ABCB1: variants seen among roughly 807,000 people sequenced by gnomAD.
The protein encoded by ABCB1 is ATP-dependent translocase ABCB1.
ABCB1 carries 69 observed loss-of-function variants against 142.0 expected under a neutral mutation model. The observed-to-expected ratio is 0.49, with a 90% confidence interval of 0.40 to 0.59. The LOEUF is 0.59. Among genes scored for constraint, ABCB1 ranks in the 20% least tolerant of loss-of-function variants. The pLI, the probability that ABCB1 is intolerant of heterozygous loss-of-function variation, is 0.00. For missense variants in ABCB1, 1,326 were observed against 1,554.7 expected (o/e 0.85, Z 2.47); for synonymous variants, 532 against 539.2 (o/e 0.99, Z 0.18).
intron 19 of ABCB1, among the ~76,000 whole-genome samples, chr7:87,538,271 TATAA>T (rs1183692503): frequency 3.9e-5 from 6 of 152,156 alleles, no homozygotes; most frequent in African/African-American, 1.4e-4. Flanking sequence ...GAATCTGACT[TATAA>T]ATACAGTTCG....
intron 3 of ABCB1, among the ~76,000 whole-genome samples, chr7:87,590,503 T>C (rs974124029): frequency 1.1e-4 from 17 of 152,146 alleles, no homozygotes; most frequent in African/African-American, 4.1e-4. Flanking sequence ...TCAGAGAATG[T>C]CTTTCTCAGG....
chr7:87,644,530 G>A (rs1352633444), intron 1 of ABCB1, among the ~76,000 whole-genome samples: 2 of 152,088 alleles, frequency 1.3e-5, no homozygotes, highest in Non-Finnish European at 2.9e-5. Context: ...TTTAACCTTT[G>A]TGAGCCCTTT....
At chr7:87,534,927 A>AC (rs949226528) in intron 20 of ABCB1, among the ~76,000 whole-genome samples, 3 of 139,434 alleles carry the variant, frequency 2.2e-5, no homozygotes, top group African/African-American at 8.1e-5. Flanking sequence ...TAAAAAAAAA[A>AC]AAAAAAAAAA....
intron 1 of ABCB1, among the ~76,000 whole-genome samples, chr7:87,675,080 GTGGTGA>G (rs1826190805): frequency 6.6e-6 from 1 of 152,246 alleles, no homozygotes; most frequent in African/African-American, 2.4e-5. Context: ...CTGGCAGTCT[GTGGTGA>G]GAGCGGGCCG....
chr7:87,519,113 GTGA>G (rs869153626), intron 23 of ABCB1: 8 of 597,498 alleles, frequency 1.3e-5, no homozygotes, highest in African/African-American at 1.3e-4. Context: ...TCAACTATGT[GTGA>G]GCCAGCAATG....
intron 1 of ABCB1, among the ~76,000 whole-genome samples, chr7:87,688,716 G>A (rs1284027723): frequency 1.3e-5 from 2 of 151,728 alleles, no homozygotes; most frequent in Admixed American, 6.6e-5. Context: ...GTTCTGTAAT[G>A]TTTTATATTG....
intron 15 of ABCB1, 63 bp from the exon 16 acceptor site, chr7:87,545,062 C>G: frequency 6.8e-7 from 1 of 1,461,290 alleles, no homozygotes; most frequent in Non-Finnish European, 9.5e-7. Context: ...GAAAGCTAAT[C>G]ACTGAATGTC....
At chr7:87,689,206 A>G (rs79849241) in intron 1 of ABCB1, among the ~76,000 whole-genome samples, 2,334 of 152,202 alleles carry the variant, frequency 0.015, 35 homozygotes, top group Non-Finnish European at 0.02. Context: ...TTATAATAAG[A>G]GAGTTAAAGA....
At chr7:87,590,189 G>A (rs1428488104) in intron 3 of ABCB1, among the ~76,000 whole-genome samples, 2 of 152,162 alleles carry the variant, frequency 1.3e-5, no homozygotes, top group East Asian at 3.8e-4. Context: ...TAACAACAGT[G>A]AGTAAGAAAA....
intron 21 of ABCB1, among the ~76,000 whole-genome samples, chr7:87,523,836 A>G (rs1815653273): frequency 1.3e-5 from 2 of 152,156 alleles, no homozygotes; most frequent in Admixed American, 1.3e-4. Context: ...CATTTGCAAA[A>G]TGAGGACGAT....
chr7:87,568,765 C>T (rs1817904798), intron 5 of ABCB1, among the ~76,000 whole-genome samples: 1 of 151,496 alleles, frequency 6.6e-6, no homozygotes, highest in Admixed American at 6.6e-5. Context: ...TAACTAATTA[C>T]TATCTAAGTG....
intron 1 of ABCB1, among the ~76,000 whole-genome samples, chr7:87,700,785 A>T (rs1015415): frequency 0.098 from 14,851 of 152,236 alleles, 876 homozygotes; most frequent in African/African-American, 0.17. Flanking sequence ...AATGGGTACA[A>T]AATGTCAAAA....
chr7:87,525,665 G>C lies in ABCB1; in HGVS notation c.2686-4789C>G, dbSNP rs562902160. Among the ~76,000 whole-genome samples the C allele has an allele frequency of 3.9e-5, 6 of 152,150 alleles. 1 individual carries two copies. Among genetic ancestry groups the C allele is most frequent in the African/African-American group, 1.4e-4 (6 of 41,516 alleles). On this transcript the variant is annotated intron_variant, in intron 21 of 27. Coordinates refer to ENST00000622132, the MANE Select transcript of ABCB1 (RefSeq NM_001348946.2). ...TTAAGCGGAAGTGGATCATTTAAAG[G>C]TCTTTATCTTCATCATCTTTATATT...
At chr7:87,581,371 C>T (rs1227264181) in intron 4 of ABCB1, among the ~76,000 whole-genome samples, 1 of 152,076 alleles carries the variant, frequency 6.6e-6, no homozygotes, top group Non-Finnish European at 1.5e-5. Context: ...CCACAATCGC[C>T]TTTATCTAGG....
At chr7:87,692,704 AATGTGGTTTAAAT>A (rs1828126362) in intron 1 of ABCB1, among the ~76,000 whole-genome samples, 1 of 152,176 alleles carries the variant, frequency 6.6e-6, no homozygotes, top group African/African-American at 2.4e-5. Context: ...AGAGATAGTA[AATGTGGTTTAAAT>A]ATTAGGAATT....
chr7:87,530,285 C>T (rs935803113), intron 21 of ABCB1, among the ~76,000 whole-genome samples: 1 of 152,208 alleles, frequency 6.6e-6, no homozygotes, highest in Non-Finnish European at 1.5e-5. Flanking sequence ...CTCATTTCCA[C>T]TATGATACAG....
chr7:87,579,207 C>T (rs556573735), intron 4 of ABCB1, among the ~76,000 whole-genome samples: 25 of 151,454 alleles, frequency 1.7e-4, no homozygotes, highest in Non-Finnish European at 2.9e-4. Flanking sequence ...ATTCAGATGC[C>T]TTTTTTTTTC....
chr7:87,587,495 A>T (rs1377981588), intron 3 of ABCB1, among the ~76,000 whole-genome samples: 1 of 152,214 alleles, frequency 6.6e-6, no homozygotes, highest in African/African-American at 2.4e-5. Flanking sequence ...GAATAGACAC[A>T]AAACTGAGTC....
At chr7:87,642,149 A>G (rs1822522589) in intron 1 of ABCB1, among the ~76,000 whole-genome samples, 1 of 152,076 alleles carries the variant, frequency 6.6e-6, no homozygotes, top group South Asian at 2.1e-4. Flanking sequence ...TAACATTGCC[A>G]GAATTCAAAC....
Sources: allele counts gnomAD v4.1 joint callset (sites outside exome capture counted in the v4.1 genomes callset), GRCh38; gene constraint gnomAD v4.1.1; transcripts MANE v1.5; gene names NCBI Gene and HGNC (gene_info 2026-07-23, HGNC 2026-07-21).